The following MDN1 variants were observed in gnomAD, a reference collection of about 807,000 sequenced individuals.
The protein encoded by MDN1 is midasin.
In MDN1, 266 loss-of-function variants were observed where a neutral mutation model predicts 669.2. The observed-to-expected ratio is 0.40, with a 90% CI of 0.36 to 0.44. The LOEUF is 0.44. Among genes scored for constraint, MDN1 ranks in the 20% least tolerant of loss-of-function variants. The probability of loss-of-function intolerance (pLI) is 1.00; values close to 1 mark genes in which losing one functional copy is unlikely to be tolerated. For synonymous variants in MDN1, 2,385 were observed against 2,457.1 expected, an observed-to-expected ratio of 0.97 and a Z score of 0.87; for missense variants, 5,940 against 6,754.0, an observed-to-expected ratio of 0.88 and a Z score of 4.22.
At chr6:89,673,505 T>C in intron 79 of MDN1, 43 bp from the exon 80 acceptor site, 1 of 1,559,718 alleles carries the variant, frequency 6.4e-7, no homozygotes, top group Non-Finnish European at 8.8e-7. Flanking sequence ...TGCATTACAG[T>C]TCCCACAAAC....
intron 59 of MDN1, among the ~76,000 whole-genome samples, chr6:89,698,149 T>G (rs1167741169): frequency 6.6e-6 from 1 of 152,192 alleles, no homozygotes; most frequent in Non-Finnish European, 1.5e-5. Context: ...CTTCACTGGC[T>G]CTTCACATCT....
Position 89,687,422 on chromosome 6 carries a change from G to T in MDN1, c.11372C>A (p.Ala3791Glu). The T allele has an allele frequency of 6.2e-7, 1 of 1,613,758 alleles. No individual in the cohort carries two copies. Among genetic ancestry groups the T allele is most frequent in the Non-Finnish European group, 8.5e-7 (1 of 1,179,854 alleles). ...TTTCCGCAAAGACAAAGCTCGACTTGCATTTTCCTCCCAATCCTAAAGAAA... is the reference window on the plus strand; with the variant it reads ...TTTCCGCAAAGACAAAGCTCGACTTTCATTTTCCTCCCAATCCTAAAGAAA... Reference protein sequence around the residue: ...LAKAQDWEENASRALSLRKHL... With the variant: ...LAKAQDWEENESRALSLRKHL... The change falls in exon 68 of 102, where the codon GCA (alanine) becomes GAA (glutamate). Residue 3791 changes from alanine (A) to glutamate (E), a missense_variant. This residue lies in a region of MDN1 where 2,280 missense variants were observed against 2,576.3 expected (regional missense o/e 0.88). Coordinates refer to ENST00000369393, the MANE Select transcript of MDN1 (RefSeq NM_014611.3).
chr6:89,808,932 T>C (rs536758352), intron 1 of MDN1, among the ~76,000 whole-genome samples: 3 of 152,186 alleles, frequency 2.0e-5, no homozygotes, highest in African/African-American at 7.2e-5. Context: ...AGTATATGTA[T>C]TTGGCTGGGC....
intron 38 of MDN1, among the ~76,000 whole-genome samples, 198 bp downstream of exon 38, chr6:89,725,001 G>C (rs1278075855): frequency 6.6e-6 from 1 of 152,136 alleles, no homozygotes; most frequent in Non-Finnish European, 1.5e-5. Flanking sequence ...AACACATCTA[G>C]TCTTCCAGGG....
In MDN1 at chr6:89,706,122, A is replaced by T. The variant is rs763801730; in HGVS notation, c.8085T>A (p.Asp2695Glu). 2 of 1,613,498 alleles carry T rather than the reference A, an allele frequency of 1.2e-6. No homozygotes were observed. The highest frequency in any genetic ancestry group is 1.3e-5 in the African/African-American group (1 of 74,934). The change falls in exon 53 of 102, where the codon GAT becomes GAA. Residue 2695 changes from aspartate to glutamate, a missense_variant. Coordinates refer to ENST00000369393, the MANE Select transcript of MDN1 (RefSeq NM_014611.3). ...ACTGTACCCAGAGCAGGACTAGTGC[A>T]TCACAAAGTTCAAAAAAAGCAGCAA... Reference protein sequence around the residue: ...VNLAAFFELCDALVLLWVQSS... With the variant: ...VNLAAFFELCEALVLLWVQSS...
chr6:89,766,372 T>C (rs1232184739), intron 15 of MDN1, among the ~76,000 whole-genome samples: 1 of 150,230 alleles, frequency 6.7e-6, no homozygotes, highest in East Asian at 1.9e-4. Context: ...TCAATACATA[T>C]TTCAATACAT....
Position 89,749,803 on chromosome 6 carries a change from A to C in MDN1, c.3407-52T>G, listed in dbSNP as rs549133881. 5 of 1,350,076 alleles carry C rather than the reference A, an allele frequency of 3.7e-6. No homozygotes were observed. In the South Asian group the frequency reaches 4.8e-5, roughly 13 times the overall value. 83.6% of individuals were successfully genotyped at this position (1,350,076 alleles called of 1,614,324 possible). The stretch of plus-strand genomic sequence containing the variant: ...AGTGTATAAATCAGTACAAAGTTTT[A>C]AAATGCATTATGTACAAATCAACAA... On this transcript the variant is annotated intron_variant, in intron 24 of 101. Transcript: ENST00000369393.
chr6:89,748,176 A>T (rs1186283914), intron 26 of MDN1, among the ~76,000 whole-genome samples: 5 of 152,114 alleles, frequency 3.3e-5, no homozygotes, highest in African/African-American at 9.7e-5. Flanking sequence ...AAGACAAAAA[A>T]TTAGCCAAGC....
At chr6:89,758,491 T>C in intron 18 of MDN1, 140 bp from the exon 19 acceptor site, 2 of 703,178 alleles carry the variant, frequency 2.8e-6, no homozygotes. Flanking sequence ...TTTCCAGACC[T>C]ATGTATTCAA....
At chr6:89,650,617 A>C (rs73752799) in intron 96 of MDN1, 115 bp downstream of exon 96, 1 of 762,002 alleles carries the variant, frequency 1.3e-6, no homozygotes, top group African/African-American at 1.7e-5. Context: ...CCTGTACGGC[A>C]CAAGCGGCAG....
intron 23 of MDN1, among the ~76,000 whole-genome samples, chr6:89,750,891 C>T (rs1175374595): frequency 6.7e-6 from 1 of 149,328 alleles, no homozygotes; most frequent in Non-Finnish European, 1.5e-5. Flanking sequence ...GCATGAGCCA[C>T]TGCACCTGGC....
At chr6:89,725,527 C>G (rs1815158637) in intron 37 of MDN1, 131 bp from the exon 38 acceptor site, 2 of 803,020 alleles carry the variant, frequency 2.5e-6, no homozygotes, top group South Asian at 1.8e-5. Flanking sequence ...ATATTGATAA[C>G]CTTCTGTATT....
At chr6:89,768,293 T>C (rs565969835) in intron 15 of MDN1, among the ~76,000 whole-genome samples, 2 of 152,264 alleles carry the variant, frequency 1.3e-5, no homozygotes, top group Admixed American at 6.5e-5. Context: ...GGGGTGGGTC[T>C]TTCCCATGCT....
intron 2 of MDN1, among the ~76,000 whole-genome samples, chr6:89,798,332 GAGAAACCCCGTC>G (rs1819725220): frequency 6.6e-6 from 1 of 151,988 alleles, no homozygotes. Flanking sequence ...TACCAACATG[GAGAAACCCCGTC>G]TCTACTAAAA....
In MDN1 at chr6:89,729,677, G is replaced by GTTTTTTT. The variant is rs35914010; in HGVS notation, c.5141-545_5141-539dup. Among the ~76,000 whole-genome samples, 217 of 100,764 alleles carry GTTTTTTT rather than the reference G, an allele frequency of 2.2e-3. 2 individuals are homozygous for GTTTTTTT. Among genetic ancestry groups the GTTTTTTT allele is most frequent in the Non-Finnish European group, 2.8e-3 (142 of 51,452 alleles). 66.1% of individuals were successfully genotyped at this position (100,764 alleles called of 152,430 possible). The stretch of plus-strand genomic sequence containing the variant: ...TGGAAGAAGTTTTTGTTTTGTTTTC[G>GTTTTTTT]TTTTTTTTTTTTTTTTTTTTTGTAC... On this transcript the variant is annotated intron_variant, in intron 35 of 101. Coordinates refer to ENST00000369393, the MANE Select transcript of MDN1 (RefSeq NM_014611.3).
intron 95 of MDN1, among the ~76,000 whole-genome samples, chr6:89,651,697 C>G (rs954144411): frequency 4.6e-5 from 7 of 152,172 alleles, no homozygotes; most frequent in African/African-American, 1.7e-4. Context: ...ATTTTTCTGC[C>G]AACTATGGCA....
chr6:89,774,503 T>C, intron 13 of MDN1, 118 bp downstream of exon 13: 1 of 706,422 alleles, frequency 1.4e-6, no homozygotes. Context: ...CCATATAGCA[T>C]ACTACAGATA....
At chr6:89,708,093 G>C (rs1050758120) in intron 51 of MDN1, among the ~76,000 whole-genome samples, 1 of 152,080 alleles carries the variant, frequency 6.6e-6, no homozygotes, top group South Asian at 2.1e-4. Context: ...CTTGAGCTTA[G>C]AAGTTTAAGA....
intron 11 of MDN1, among the ~76,000 whole-genome samples, chr6:89,778,456 A>G (rs1818463242): frequency 6.6e-6 from 1 of 152,160 alleles, no homozygotes; most frequent in Non-Finnish European, 1.5e-5. Context: ...CCAGAAATCT[A>G]AAGTTACAAA....
Sources: gnomAD v4.1 joint callset for allele counts (sites outside exome capture counted in the v4.1 genomes callset) on GRCh38, gnomAD v4.1.1 for gene constraint, gnomAD v4.1.1 regional missense constraint, MANE v1.5 for transcripts, NCBI Gene and HGNC (gene_info 2026-07-23, HGNC 2026-07-21) for gene names.